The following ALDOB variants were observed in gnomAD, a reference collection of about 807,000 sequenced individuals.
The protein encoded by ALDOB is fructose-bisphosphate aldolase B.
ALDOB carries 39 observed loss-of-function variants against 41.0 expected under a neutral mutation model. That is an observed-to-expected ratio of 0.95 (90% CI 0.74 to 1.24). ALDOB has a LOEUF of 1.24. Among genes scored for constraint, ALDOB ranks in the 50% most tolerant of loss-of-function variants. The pLI is 0.00. For missense variants in ALDOB, 530 were observed against 457.3 expected (o/e 1.16, Z -1.45); for synonymous variants, 175 against 168.8 (o/e 1.04, Z -0.28).
At chr9:101,433,150 G>A (rs2118371546) in intron 1 of ALDOB, among the ~76,000 whole-genome samples, 1 of 152,234 alleles carries the variant, frequency 6.6e-6, no homozygotes, top group African/African-American at 2.4e-5. Flanking sequence ...AAATATATTT[G>A]TTAAATTGCA....
rs1831032182 is a variant in ALDOB, at chr9:101,420,571, T to G, written c.*1238A>C. ...ATTATTCAAGGTAAGAAATTTAGCA[T>G]ACTACCATCAATATTTTAATTTTAG... On this transcript the variant is annotated 3_prime_UTR_variant, in exon 9 of 9. Transcript: ENST00000647789. The G allele has an allele frequency of 6.6e-6, 1 of 152,216 alleles. No individual in the cohort carries two copies. Among genetic ancestry groups the G allele is most frequent in the Admixed American group, 6.5e-5 (1 of 15,272 alleles). 9.4% of individuals were successfully genotyped at this position (152,216 alleles called of 1,614,324 possible). A position where few individuals can be genotyped will look rare whatever the true frequency, so the allele number is the denominator to read the frequency against.
rs1015161237 is a variant in ALDOB at position 101,424,929 on chromosome 9, C to T, written c.913G>A (p.Ala305Thr). The T allele has an allele frequency of 6.2e-7, 1 of 1,614,170 alleles. No homozygotes were observed. The highest frequency in any genetic ancestry group is 8.5e-7 in the Non-Finnish European group (1 of 1,180,024). ...PWKLSFSYGR[A>T]LQASALAAWG... is the part of the protein sequence containing the mutation. ...GCAGCCAGTGCACTGGCCTGCAGGG[C>T]CCGTCCATAAGAGAAACTTAGTTTC... The change falls in exon 8 of 9, where the codon GCC (alanine) becomes ACC (threonine). Residue 305 changes from alanine (A) to threonine (T), a missense_variant. Transcript: ENST00000647789.
chr9:101,432,845 T>A (rs1386260638), intron 1 of ALDOB, among the ~76,000 whole-genome samples: 2 of 152,196 alleles, frequency 1.3e-5, no homozygotes, highest in Admixed American at 1.3e-4. Flanking sequence ...TTTGGATGAC[T>A]CCTAATGTCC....
intron 1 of ALDOB, among the ~76,000 whole-genome samples, chr9:101,434,659 A>G (rs1413753540): frequency 1.3e-5 from 2 of 152,204 alleles, no homozygotes; most frequent in Non-Finnish European, 2.9e-5. Flanking sequence ...GGGATGATCT[A>G]GGGCAGTCCT....
intron 8 of ALDOB, 34 bp from the exon 9 acceptor site, chr9:101,421,938 G>C: frequency 6.4e-7 from 1 of 1,563,140 alleles, no homozygotes; most frequent in South Asian, 1.1e-5. Context: ...AGACTGGTTA[G>C]AGTAAATGTG....
Position 101,427,486 on chromosome 9 carries a change from T to G in ALDOB, c.536A>C (p.Gln179Pro). 1 of 1,614,164 alleles carries G rather than the reference T, an allele frequency of 6.2e-7. No individual in the cohort carries two copies. The highest frequency in any genetic ancestry group is 8.5e-7 in the Non-Finnish European group (1 of 1,180,020). Reference sequence around the variant, plus strand: ...CCCAAGGGGAAGGCAGAGCACCTGCTGACAGATGCTGGCGTAGCGAGCCAG... The same window carrying G: ...CCCAAGGGGAAGGCAGAGCACCTGCGGACAGATGCTGGCGTAGCGAGCCAG... ...NALARYASIC[Q>P]QNGLVPIVEP... The change falls in exon 5 of 9, where the codon CAG becomes CCG. Residue 179 changes from glutamine to proline, a missense_variant. Gln to Pro is a moderately conservative substitution (Grantham distance 76). Coordinates refer to ENST00000647789, the MANE Select transcript of ALDOB (RefSeq NM_000035.4).
At chr9:101,426,824 G>A (rs1350253904) in intron 5 of ALDOB, among the ~76,000 whole-genome samples, 186 bp from the exon 6 acceptor site, 2 of 152,198 alleles carry the variant, frequency 1.3e-5, no homozygotes, top group Admixed American at 6.5e-5. Context: ...CGTAATTACT[G>A]TATTTCTTTC....
rs745311106 is a variant in ALDOB, at chr9:101,430,801, C to A, written c.87G>T (p.Gly29=). 6.2e-7 allele frequency: 1 copy of A among 1,613,912 alleles called. No homozygotes were observed. Among genetic ancestry groups the A allele is most frequent in the Non-Finnish European group, 8.5e-7 (1 of 1,179,788 alleles). The change falls in exon 2 of 9, where the codon GGG becomes GGT. Residue 29 remains glycine (G), a synonymous_variant. Transcript: ENST00000647789. The part of the protein sequence containing the change: ...IAQSIVANGK[G]ILAADESVGT... ...CTACAGATTCATCTGCAGCCAGGATCCCCTTTCCATTGGCAACAATGCTCT... is the reference window on the plus strand; with the variant it reads ...CTACAGATTCATCTGCAGCCAGGATACCCTTTCCATTGGCAACAATGCTCT...
At chr9:101,421,928 A>G in intron 8 of ALDOB, 24 bp from the exon 9 acceptor site, 1 of 1,597,444 alleles carries the variant, frequency 6.3e-7, no homozygotes, top group Non-Finnish European at 8.6e-7. Flanking sequence ...ATGAGAGAGG[A>G]GACTGGTTAG....
At chr9:101,432,932 T>C (rs1831241947) in intron 1 of ALDOB, among the ~76,000 whole-genome samples, 1 of 152,176 alleles carries the variant, frequency 6.6e-6, no homozygotes, top group Admixed American at 6.5e-5. Context: ...ATCTGACACA[T>C]TTATGTAGAG....
rs1831050880 is a variant in ALDOB at position 101,421,801 on chromosome 9, A to C, written c.*8T>G. ...AAGCACTGGAGCTAGGCTGGCGGGC[A>C]TTGGACCCTAGTAGGTATAGCAGGC... On this transcript the variant is annotated 3_prime_UTR_variant, in exon 9 of 9. Coordinates refer to ENST00000647789, the MANE Select transcript of ALDOB (RefSeq NM_000035.4). 1.2e-6 allele frequency: 2 copies of C among 1,613,184 alleles called. No homozygotes were observed. The highest frequency in any genetic ancestry group is 1.7e-6 in the Non-Finnish European group (2 of 1,179,394).
At chr9:101,430,626 C>T in intron 2 of ALDOB, 150 bp downstream of exon 2, 1 of 686,658 alleles carries the variant, frequency 1.5e-6, no homozygotes, top group Admixed American at 2.1e-5. Flanking sequence ...ACTTACAGGA[C>T]TCAAAAGCTC....
At chr9:101,429,083 A>T (rs1831174177) in intron 3 of ALDOB, among the ~76,000 whole-genome samples, 1 of 151,840 alleles carries the variant, frequency 6.6e-6, no homozygotes, top group African/African-American at 2.4e-5. Context: ...AATAATTATG[A>T]TAGTTACCAT....
intron 1 of ALDOB, among the ~76,000 whole-genome samples, chr9:101,435,492 C>G (rs1459469212): frequency 6.6e-6 from 1 of 152,090 alleles, no homozygotes; most frequent in Admixed American, 6.5e-5. Context: ...CATTTTGCCA[C>G]CTCTCAAAAA....
At chr9:101,435,197 G>A (rs75297967) in intron 1 of ALDOB, among the ~76,000 whole-genome samples, 2,595 of 152,236 alleles carry the variant, frequency 0.017, 34 homozygotes, top group Admixed American at 0.026. Context: ...GGGTGAAGGC[G>A]AAGGGCAAAA....
intron 1 of ALDOB, among the ~76,000 whole-genome samples, chr9:101,434,566 C>T (rs531799688): frequency 6.6e-6 from 1 of 152,346 alleles, no homozygotes; most frequent in Admixed American, 6.5e-5. Flanking sequence ...TTTCTAGGCA[C>T]TGCATGCAGC....
rs182587139 is a variant in ALDOB at position 101,424,754 on chromosome 9, G to A, written c.999+89C>T. ...AGACACTATCGGTAGATACCTTCTT[G>A]GCCCAAAGAAAACAATGCTTCTCCG... On this transcript the variant is annotated intron_variant, in intron 8 of 8. Coordinates refer to ENST00000647789, the MANE Select transcript of ALDOB (RefSeq NM_000035.4). The A allele has an allele frequency of 5.4e-6, 8 of 1,492,388 alleles. No homozygotes were observed. In the African/African-American group the frequency reaches 8.3e-5, roughly 15 times the overall value. 92.4% of individuals were successfully genotyped at this position (1,492,388 alleles called of 1,614,324 possible). A position where few individuals can be genotyped will look rare whatever the true frequency, so the allele number is the denominator to read the frequency against.
At chr9:101,429,330 T>C (rs1831179666) in intron 3 of ALDOB, among the ~76,000 whole-genome samples, 1 of 152,032 alleles carries the variant, frequency 6.6e-6, no homozygotes, top group African/African-American at 2.4e-5. Context: ...GCTAATGTTT[T>C]TGATTTTTAG....
Position 101,421,440 on chromosome 9 carries a change from C to T in ALDOB, c.*369G>A. The T allele has an allele frequency of 2.8e-6, 1 of 354,032 alleles. No individual in the cohort carries two copies. The highest frequency in any genetic ancestry group is 2.3e-5 in the South Asian group (1 of 43,524). The allele number at this position is 354,032 out of a possible 1,614,324, so 21.9% of individuals were successfully genotyped here. A position where few individuals can be genotyped will look rare whatever the true frequency, so the allele number is the denominator to read the frequency against. On this transcript the variant is annotated 3_prime_UTR_variant, in exon 9 of 9. Transcript: ENST00000647789. ...CTATCTCCTTCCCAACCTACCACTG[C>T]TAAGACTGTTTCATAAGATGCACTT... is the stretch of plus-strand genomic sequence containing the variant.
Sources: gnomAD v4.1 joint callset for allele counts (sites outside exome capture counted in the v4.1 genomes callset) on GRCh38, gnomAD v4.1.1 for gene constraint, MANE v1.5 for transcripts, NCBI Gene and HGNC (gene_info 2026-07-23, HGNC 2026-07-21) for gene names.